The following TNPO1 variants were observed in gnomAD, a reference collection of about 807,000 sequenced individuals.
The protein encoded by TNPO1 is transportin-1.
TNPO1 carries 8 observed loss-of-function variants against 119.5 expected under a neutral mutation model. The observed-to-expected ratio is 0.07, with a 90% confidence interval of 0.04 to 0.12. The LOEUF (loss-of-function observed/expected upper bound fraction) is 0.12. Ranked by LOEUF, TNPO1 falls within the 10% of genes least tolerant of loss-of-function variation. The probability of loss-of-function intolerance (pLI) is 1.00; values close to 1 mark genes in which losing one functional copy is unlikely to be tolerated. For synonymous variants in TNPO1, 362 were observed against 363.0 expected (o/e 1.00, Z 0.03); for missense variants, 576 against 1,089.8 (o/e 0.53, Z 6.64).
chr5:72,851,119 T>C, intron 2 of TNPO1, 125 bp from the exon 3 acceptor site: 1 of 654,274 alleles, frequency 1.5e-6, no homozygotes, highest in Non-Finnish European at 2.7e-6. Context: ...ATCCTTATTC[T>C]TAGTTTAAAA....
chr5:72,869,790 A>G (rs371442943), intron 6 of TNPO1, among the ~76,000 whole-genome samples: 2 of 152,242 alleles, frequency 1.3e-5, no homozygotes, highest in African/African-American at 2.4e-5. Flanking sequence ...AACAAATGCC[A>G]TTTATATAGT....
chr5:72,868,458 A>AAAAAAC lies in TNPO1; in HGVS notation c.596+2730_596+2731insAAAACA, dbSNP rs1554052270. Among the ~76,000 whole-genome samples the AAAAAAC allele has an allele frequency of 2.8e-4, 32 of 113,406 alleles. 1 individual carries two copies. The highest frequency in any genetic ancestry group is 5.2e-3 in the Middle Eastern group (1 of 194). 74.4% of individuals were successfully genotyped at this position (113,406 alleles called of 152,430 possible). ...AAAAAAAAAAAAAAAAAAAAAAAAA[A>AAAAAAC]ACACAAAATAATATATCAGGCATTT... is the stretch of plus-strand genomic sequence containing the variant. On this transcript the variant is annotated intron_variant, in intron 6 of 24. Transcript: ENST00000337273.
chr5:72,859,282 G>A (rs1271375857), intron 4 of TNPO1, among the ~76,000 whole-genome samples: 1 of 152,160 alleles, frequency 6.6e-6, no homozygotes, highest in Admixed American at 6.6e-5. Context: ...TGCACTACAG[G>A]ATGTTAATCA....
At chr5:72,867,036 T>C (rs34670) in intron 6 of TNPO1, among the ~76,000 whole-genome samples, 124,967 of 151,794 alleles carry the variant, frequency 0.82, 51,690 homozygotes, top group Non-Finnish European at 0.86. Context: ...AAAAATTAGC[T>C]GAGTGTAGTG....
chr5:72,848,170 A>T (rs1043993077), intron 1 of TNPO1: 2 of 1,219,152 alleles, frequency 1.6e-6, no homozygotes, highest in African/African-American at 3.2e-5. Context: ...CGGCAGCAGC[A>T]GCAGACGCTG....
chr5:72,886,207 A>C (rs938225535), intron 11 of TNPO1, among the ~76,000 whole-genome samples: 3 of 152,172 alleles, frequency 2.0e-5, no homozygotes, highest in African/African-American at 7.2e-5. Flanking sequence ...TATTATTATA[A>C]TAAAATCTGG....
chr5:72,863,955 A>G (rs996175669), intron 5 of TNPO1, among the ~76,000 whole-genome samples: 3 of 152,214 alleles, frequency 2.0e-5, no homozygotes, highest in Non-Finnish European at 2.9e-5. Flanking sequence ...CTAGTGTACT[A>G]CATAGAAGTC....
At chr5:72,893,740 T>A in intron 18 of TNPO1, 37 bp downstream of exon 18, 2 of 1,563,592 alleles carry the variant, frequency 1.3e-6, no homozygotes, top group African/African-American at 1.4e-5. Context: ...TATGGTTTTT[T>A]AAAGTTAACA....
intron 20 of TNPO1, among the ~76,000 whole-genome samples, chr5:72,897,641 T>G: frequency 6.6e-6 from 1 of 151,974 alleles, no homozygotes; most frequent in Middle Eastern, 3.4e-3. Context: ...TTTATTTTTT[T>G]TTTTTTAGGA....
In TNPO1 at chr5:72,882,207, A is replaced by T. The variant is rs183234305; in HGVS notation, c.921-260A>T. 5.8e-4 allele frequency among the ~76,000 whole-genome samples: 88 copies of T among 152,338 alleles called. 1 individual carries two copies. Among genetic ancestry groups the T allele is most frequent in the African/African-American group, 2.0e-3 (85 of 41,590 alleles). On this transcript the variant is annotated intron_variant, in intron 9 of 24. Coordinates refer to ENST00000337273, the MANE Select transcript of TNPO1 (RefSeq NM_002270.4). ...TTACTACTAATCTTTCTATTTTAGAATTTAGAAGGACTTTGAGCATGAAAG... is the reference window on the plus strand; with the variant it reads ...TTACTACTAATCTTTCTATTTTAGATTTTAGAAGGACTTTGAGCATGAAAG...
intron 1 of TNPO1, among the ~76,000 whole-genome samples, chr5:72,831,358 A>G (rs1744453789): frequency 6.6e-6 from 1 of 151,688 alleles, no homozygotes; most frequent in Admixed American, 6.6e-5. Flanking sequence ...TTTTTCTTAT[A>G]TTTCCAGAAT....
At chr5:72,865,773 C>G (rs768859142) in intron 6 of TNPO1, 44 bp downstream of exon 6, 1 of 1,556,216 alleles carries the variant, frequency 6.4e-7, no homozygotes, top group South Asian at 1.2e-5. Flanking sequence ...TGATATAAAC[C>G]TGACCATTAT....
rs1344836401 is a variant in TNPO1, at chr5:72,888,306, G to A, written c.1529+3G>A. ...AGAGTACAAGAAGCTGCCTGCAGGT[G>A]GGACAGATTCATAACACAGTGTTCT... On this transcript the variant is annotated splice_donor_region_variant and intron_variant, in intron 13 of 24. Transcript: ENST00000337273. The A allele has an allele frequency of 1.9e-6, 3 of 1,611,970 alleles. No individual in the cohort carries two copies. Among genetic ancestry groups the A allele is most frequent in the African/African-American group, 2.7e-5 (2 of 74,900 alleles).
chr5:72,841,056 A>G (rs1744888362), intron 1 of TNPO1, among the ~76,000 whole-genome samples: 1 of 151,468 alleles, frequency 6.6e-6, no homozygotes, highest in Non-Finnish European at 1.5e-5. Context: ...TGAGCTCAAC[A>G]GTTAGTTTTG....
chr5:72,903,869 A>G (rs1486791183), intron 23 of TNPO1, 86 bp downstream of exon 23: 4 of 891,468 alleles, frequency 4.5e-6, no homozygotes, highest in Middle Eastern at 2.2e-4. Context: ...ATTTTTTGTG[A>G]AAGTTAGGCT....
chr5:72,905,083 C>T (rs530764954), intron 23 of TNPO1, among the ~76,000 whole-genome samples: 43 of 152,184 alleles, frequency 2.8e-4, no homozygotes, highest in Admixed American at 1.2e-3. Context: ...TCCCACAACA[C>T]GTGGGAATTA....
intron 6 of TNPO1, among the ~76,000 whole-genome samples, chr5:72,870,785 C>G (rs1747330278): frequency 6.6e-6 from 1 of 152,070 alleles, no homozygotes; most frequent in South Asian, 2.1e-4. Flanking sequence ...TAAATTTTGC[C>G]TTACATGCAC....
intron 1 of TNPO1, among the ~76,000 whole-genome samples, chr5:72,832,432 T>C (rs1744515471): frequency 6.6e-6 from 1 of 152,184 alleles, no homozygotes; most frequent in African/African-American, 2.4e-5. Context: ...AAGTTACTAA[T>C]ATATTGCTTT....
intron 23 of TNPO1, among the ~76,000 whole-genome samples, chr5:72,904,895 T>C (rs1036946423): frequency 2.6e-5 from 4 of 152,194 alleles, no homozygotes; most frequent in African/African-American, 7.2e-5. Context: ...GAGGCCTCAC[T>C]GTCATGGTGG....
Sources: gnomAD v4.1 joint callset for allele counts (sites outside exome capture counted in the v4.1 genomes callset) on GRCh38, gnomAD v4.1.1 for gene constraint, MANE v1.5 for transcripts, NCBI Gene and HGNC (gene_info 2026-07-23, HGNC 2026-07-21) for gene names.